The following CHN1 variants were observed in gnomAD, a reference collection of about 807,000 sequenced individuals.
The protein encoded by CHN1 is chimerin 1.
CHN1 carries 37 observed loss-of-function variants against 59.5 expected under a neutral mutation model. The ratio of observed to expected loss-of-function variants is 0.62; its 90% CI spans 0.48 to 0.82. CHN1 has a LOEUF of 0.82. Ranked by LOEUF, CHN1 falls within the 40% of genes least tolerant of loss-of-function variation. The pLI is 0.00. For synonymous variants in CHN1, 206 were observed against 200.4 expected (o/e 1.03, Z -0.24); for missense variants, 469 against 571.0 (o/e 0.82, Z 1.82).
At chr2:174,883,616 G>A (rs1348985324) in intron 5 of CHN1, among the ~76,000 whole-genome samples, 1 of 152,088 alleles carries the variant, frequency 6.6e-6, no homozygotes, top group Non-Finnish European at 1.5e-5. Flanking sequence ...AGGGCCACCT[G>A]ACATCTGAGG....
chr2:174,812,944 T>C (rs139354367), intron 8 of CHN1, among the ~76,000 whole-genome samples: 1 of 152,340 alleles, frequency 6.6e-6, no homozygotes, highest in African/African-American at 2.4e-5. Context: ...CTCATGTTTA[T>C]ATCTATCTGT....
chr2:174,801,828 G>A lies in CHN1; in HGVS notation c.1103-16C>T, dbSNP rs1009020810. The stretch of plus-strand genomic sequence containing the variant: ...TCCATAATTTCTAAAATAGCAAGTC[G>A]AATACCAAGAAGAAAAGAAATAACA... On this transcript the variant is annotated splice_polypyrimidine_tract_variant and intron_variant, in intron 11 of 12. Coordinates refer to ENST00000409900, the MANE Select transcript of CHN1 (RefSeq NM_001822.7). 8 of 1,549,484 alleles carry A rather than the reference G, an allele frequency of 5.2e-6. No individual in the cohort carries two copies. Among genetic ancestry groups the A allele is most frequent in the Admixed American group, 1.7e-5 (1 of 59,844 alleles).
chr2:174,819,868 T>C (rs1044285389), intron 8 of CHN1, among the ~76,000 whole-genome samples: 3 of 132,304 alleles, frequency 2.3e-5, no homozygotes, highest in African/African-American at 5.7e-5. Flanking sequence ...CCTGTGTCCA[T>C]GTGTTCTCAT....
intron 1 of CHN1, among the ~76,000 whole-genome samples, chr2:174,998,217 T>C (rs545889847): frequency 1.4e-5 from 2 of 145,948 alleles, no homozygotes; most frequent in Non-Finnish European, 3.0e-5. Context: ...GCAGGAGAAT[T>C]GCTTGAACCT....
chr2:174,899,203 G>GT (rs3841914), intron 5 of CHN1, among the ~76,000 whole-genome samples: 73,376 of 151,946 alleles, frequency 0.48, 18,403 homozygotes, highest in African/African-American at 0.6. Context: ...AACTGAAAAG[G>GT]AGGGCACTCA....
chr2:174,957,198 G>A (rs940890860), intron 1 of CHN1, among the ~76,000 whole-genome samples: 2 of 152,114 alleles, frequency 1.3e-5, no homozygotes, highest in Non-Finnish European at 2.9e-5. Context: ...TTAGCACGAG[G>A]CTTGGGGACC....
chr2:174,852,120 T>TA lies in CHN1; in HGVS notation c.550-5164dup, dbSNP rs56171864. Among the ~76,000 whole-genome samples the TA allele has an allele frequency of 5.5e-4, 81 of 148,178 alleles. 1 individual carries two copies. The highest frequency in any genetic ancestry group is 3.9e-3 in the South Asian group (18 of 4,614). On this transcript the variant is annotated intron_variant, in intron 6 of 12. Coordinates refer to ENST00000409900, the MANE Select transcript of CHN1 (RefSeq NM_001822.7). Reference sequence around the variant, plus strand: ...GATGAAACCCCTTTTTTTCCTCTATTAAAAAAAAAAATACAAAAATTAGCC... The same window carrying TA: ...GATGAAACCCCTTTTTTTCCTCTATTAAAAAAAAAAAATACAAAAATTAGCC...
intron 5 of CHN1, among the ~76,000 whole-genome samples, chr2:174,898,429 G>A (rs1008917198): frequency 4.3e-5 from 6 of 140,796 alleles, no homozygotes; most frequent in Admixed American, 7.4e-5. Flanking sequence ...GTGAAATCCC[G>A]TCTCTACTGA....
chr2:174,810,538 C>T (rs1455235871), intron 10 of CHN1, among the ~76,000 whole-genome samples: 2 of 152,174 alleles, frequency 1.3e-5, no homozygotes, highest in Non-Finnish European at 2.9e-5. Context: ...AATGGACATG[C>T]TCAGTTGCAG....
At chr2:174,835,690 T>C (rs184657244) in intron 7 of CHN1, among the ~76,000 whole-genome samples, 1 of 152,216 alleles carries the variant, frequency 6.6e-6, no homozygotes, top group Admixed American at 6.5e-5. Context: ...ATCCAGTGTA[T>C]TTTTCATTTC....
At chr2:175,001,798 T>G (rs951358303) in intron 1 of CHN1, among the ~76,000 whole-genome samples, 2 of 152,212 alleles carry the variant, frequency 1.3e-5, no homozygotes, top group Admixed American at 1.3e-4. Flanking sequence ...GCTGGCAGAA[T>G]GCTTATTCAC....
At chr2:174,884,796 T>C (rs1158478397) in intron 5 of CHN1, among the ~76,000 whole-genome samples, 3 of 152,116 alleles carry the variant, frequency 2.0e-5, no homozygotes, top group East Asian at 1.9e-4. Flanking sequence ...CTCTTGAAAA[T>C]TGTTAATGGT....
chr2:174,959,960 T>C (rs1690346615), intron 1 of CHN1, among the ~76,000 whole-genome samples: 1 of 152,198 alleles, frequency 6.6e-6, no homozygotes, highest in African/African-American at 2.4e-5. Flanking sequence ...GGGCTGGTCT[T>C]AAATGCTGAG....
rs1019945471 is a variant in CHN1, at chr2:174,808,972, C to T, written c.1035G>A (p.Leu345=). 12 of 1,613,414 alleles carry T rather than the reference C, an allele frequency of 7.4e-6. No homozygotes were observed. Among genetic ancestry groups the T allele is most frequent in the East Asian group, 2.2e-5 (1 of 44,834 alleles). ...DINIITGALK[L]YFRDLPIPLI... ...GTGGAATTGGCAAATCCCTGAAGTA[C>T]AGTTTAAGTGCACCAGTGATAATGT... Residue 345 remains leucine, a synonymous_variant, in exon 11 of 13, where the codon CTG becomes CTA. Coordinates refer to ENST00000409900, the MANE Select transcript of CHN1 (RefSeq NM_001822.7).
Position 174,880,195 on chromosome 2 carries a change from G to A in CHN1, c.261-2067C>T, listed in dbSNP as rs572504258. ...TAAAACTTTCAGTCTAAAGGGAGAT[G>A]ATCACATAACCAAAAAACTTATAAC... On this transcript the variant is annotated intron_variant, in intron 5 of 12. Transcript: ENST00000409900. 2.0e-5 allele frequency among the ~76,000 whole-genome samples: 3 copies of A among 152,272 alleles called. No homozygotes were observed. The South Asian group carries it at 6.2e-4, about 32-fold the overall frequency.
At chr2:174,896,523 A>C (rs1310256234) in intron 5 of CHN1, among the ~76,000 whole-genome samples, 1 of 152,188 alleles carries the variant, frequency 6.6e-6, no homozygotes, top group Non-Finnish European at 1.5e-5. Context: ...ATATGAACTT[A>C]ATATATATCT....
chr2:174,921,727 G>C (rs1689024055), intron 3 of CHN1, among the ~76,000 whole-genome samples: 1 of 152,142 alleles, frequency 6.6e-6, no homozygotes, highest in Non-Finnish European at 1.5e-5. Context: ...CATGGCAGTA[G>C]CAAGGAGAAG....
intron 3 of CHN1, among the ~76,000 whole-genome samples, chr2:174,942,854 AG>A (rs1234049792): frequency 3.3e-5 from 5 of 152,162 alleles, no homozygotes; most frequent in Non-Finnish European, 7.3e-5. Context: ...GTTTGAGACC[AG>A]CTTGGGCAAC....
Position 174,995,096 on chromosome 2 carries a change from T to C in CHN1, c.19+9798A>G, listed in dbSNP as rs557323002. Among the ~76,000 whole-genome samples the C allele has an allele frequency of 7.9e-5, 12 of 152,372 alleles. No individual in the cohort carries two copies. In the South Asian group the frequency reaches 1.7e-3, roughly 21 times the overall value. ...CATGTATACAGTGACAGTATTGTTA[T>C]ATGTTTATTCTTTCTTTCTTCATTT... On this transcript the variant is annotated intron_variant, in intron 1 of 12. Transcript: ENST00000409900.
Sources: allele counts gnomAD v4.1 joint callset (sites outside exome capture counted in the v4.1 genomes callset), GRCh38; gene constraint gnomAD v4.1.1; transcripts MANE v1.5; gene names NCBI Gene and HGNC (gene_info 2026-07-23, HGNC 2026-07-21).